The following CSMD1 variants were observed in gnomAD, a reference collection of about 807,000 sequenced individuals.
CSMD1 encodes the protein CUB and sushi domain-containing protein 1.
CSMD1 carries 213 observed loss-of-function variants against 417.5 expected under a neutral mutation model. That is an observed-to-expected ratio of 0.51 (90% CI 0.46 to 0.57). CSMD1 has a LOEUF of 0.57. Among genes scored for constraint, CSMD1 ranks in the 20% least tolerant of loss-of-function variants. The pLI, the probability that CSMD1 is intolerant of heterozygous loss-of-function variation, is 0.00. For missense variants in CSMD1, 6,923 were observed against 4,529.7 expected, an observed-to-expected ratio of 1.53 and a Z score of -15.17; for synonymous variants, 2,862 against 1,736.8, an observed-to-expected ratio of 1.65 and a Z score of -16.11.
chr8:4,984,045 T>A (rs1811042456), intron 1 of CSMD1, among the ~76,000 whole-genome samples: 1 of 152,110 alleles, frequency 6.6e-6, no homozygotes, highest in Non-Finnish European at 1.5e-5. Context: ...GAAAGTCAGT[T>A]TGGGAGAGAG....
chr8:3,197,040 T>C (rs1385956497), intron 33 of CSMD1, among the ~76,000 whole-genome samples: 1 of 152,088 alleles, frequency 6.6e-6, no homozygotes, highest in Non-Finnish European at 1.5e-5. Context: ...TCAAGAAGTG[T>C]GGAAAACACA....
At chr8:4,196,636 A>G (rs1799355798) in intron 3 of CSMD1, among the ~76,000 whole-genome samples, 1 of 152,150 alleles carries the variant, frequency 6.6e-6, no homozygotes, top group Non-Finnish European at 1.5e-5. Context: ...TGCTGGGTCC[A>G]GTCCTCATTG....
intron 3 of CSMD1, among the ~76,000 whole-genome samples, chr8:4,136,214 C>T (rs1409600002): frequency 6.6e-6 from 1 of 152,122 alleles, no homozygotes; most frequent in Non-Finnish European, 1.5e-5. Context: ...AAAAATTGAT[C>T]ACATATATAG....
intron 10 of CSMD1, among the ~76,000 whole-genome samples, chr8:3,495,620 C>G (rs1033209753): frequency 3.9e-5 from 6 of 152,202 alleles, no homozygotes; most frequent in African/African-American, 1.2e-4. Context: ...CTTGCATAGA[C>G]AGCTTTTAGT....
chr8:3,671,559 T>TATATATA (rs1563257079), intron 7 of CSMD1, among the ~76,000 whole-genome samples: 1 of 4,670 alleles, frequency 2.1e-4, no homozygotes, highest in Non-Finnish European at 3.4e-4. Context: ...ATATATATGA[T>TATATATA]CATATATATA....
Position 4,284,099 on chromosome 8 carries a change from G to T in CSMD1, c.415+135854C>A, listed in dbSNP as rs11988539. ...AATACAAAAATTAGCTAGGCATGGTGGCTCACACCTGTAATCCTAGCATTT... is the reference window on the plus strand; with the variant it reads ...AATACAAAAATTAGCTAGGCATGGTTGCTCACACCTGTAATCCTAGCATTT... On this transcript the variant is annotated intron_variant, in intron 3 of 69. Transcript: ENST00000635120. Among the ~76,000 whole-genome samples the T allele has an allele frequency of 2.4e-3, 362 of 152,276 alleles. 1 individual carries two copies. The highest frequency in any genetic ancestry group is 7.9e-3 in the African/African-American group (327 of 41,540).
intron 3 of CSMD1, among the ~76,000 whole-genome samples, chr8:4,100,035 A>G (rs1801224772): frequency 6.6e-6 from 1 of 152,198 alleles, no homozygotes; most frequent in Non-Finnish European, 1.5e-5. Context: ...AGAAGATATA[A>G]TGTAATAACG....
chr8:3,730,368 CG>C (rs1721802158), intron 6 of CSMD1, among the ~76,000 whole-genome samples: 2 of 50,282 alleles, frequency 4.0e-5, no homozygotes, highest in Admixed American at 7.4e-4. Flanking sequence ...ATTTAAGGAG[CG>C]ATTTTTTTTT....
intron 3 of CSMD1, among the ~76,000 whole-genome samples, chr8:4,366,325 C>T (rs1421627807): frequency 2.0e-5 from 3 of 151,808 alleles, no homozygotes; most frequent in Admixed American, 6.6e-5. Flanking sequence ...TTAGCCAGTT[C>T]ACCATTGGTG....
chr8:3,130,504 G>A (rs1817738317), intron 41 of CSMD1, among the ~76,000 whole-genome samples: 1 of 151,954 alleles, frequency 6.6e-6, no homozygotes, highest in South Asian at 2.1e-4. Flanking sequence ...ATTTGCTTGA[G>A]CTTCTTCAGT....
chr8:4,083,394 T>C (rs189977921), intron 3 of CSMD1, among the ~76,000 whole-genome samples: 131 of 152,300 alleles, frequency 8.6e-4, no homozygotes, highest in Admixed American at 1.8e-3. Context: ...CATGTGTTTT[T>C]TGGCTGCATA....
chr8:4,469,024 G>A (rs775569562), intron 2 of CSMD1, among the ~76,000 whole-genome samples: 4 of 152,144 alleles, frequency 2.6e-5, no homozygotes, highest in Non-Finnish European at 4.4e-5. Flanking sequence ...AAGTTCAAAA[G>A]ACAATGCTAT....
intron 41 of CSMD1, among the ~76,000 whole-genome samples, chr8:3,119,404 A>AC (rs1456419395): frequency 6.8e-6 from 1 of 147,004 alleles, no homozygotes; most frequent in African/African-American, 2.5e-5. Flanking sequence ...AAAAAAAAAA[A>AC]AAAAAAAACA....
intron 8 of CSMD1, among the ~76,000 whole-genome samples, chr8:3,611,493 T>C (rs183162491): frequency 7.2e-5 from 11 of 152,154 alleles, no homozygotes; most frequent in Admixed American, 5.2e-4. Flanking sequence ...CTCTCACTTA[T>C]TTATAAAAAC....
In CSMD1 at chr8:4,239,438, C is replaced by T. The variant is rs560859833; in HGVS notation, c.415+180515G>A. 7.2e-5 allele frequency among the ~76,000 whole-genome samples: 11 copies of T among 152,270 alleles called. No homozygotes were observed. In the East Asian group the frequency reaches 9.7e-4, roughly 13 times the overall value. On this transcript the variant is annotated intron_variant, in intron 3 of 69. Transcript: ENST00000635120. ...TCTTAACTCGTCTTTCTCCTGGAGG[C>T]TGGGTCCTGGAGCCATCAGTGCAAG... is the stretch of plus-strand genomic sequence containing the variant.
intron 3 of CSMD1, among the ~76,000 whole-genome samples, chr8:4,089,497 G>A (rs75524586): frequency 6.6e-6 from 1 of 152,190 alleles, no homozygotes; most frequent in East Asian, 1.9e-4. Context: ...ATAAAAAAGT[G>A]ACACATTCCA....
intron 11 of CSMD1, among the ~76,000 whole-genome samples, chr8:3,489,017 A>C (rs994219295): frequency 3.3e-5 from 5 of 152,208 alleles, no homozygotes; most frequent in Non-Finnish European, 7.3e-5. Context: ...CTACATGTTT[A>C]GTGATTAACT....
chr8:3,462,028 G>A (rs143615890), intron 12 of CSMD1, among the ~76,000 whole-genome samples: 24 of 152,310 alleles, frequency 1.6e-4, no homozygotes, highest in African/African-American at 5.5e-4. Flanking sequence ...GAATCCTAGA[G>A]AAGCTGTTTC....
intron 3 of CSMD1, among the ~76,000 whole-genome samples, chr8:4,340,957 G>C (rs994478395): frequency 2.0e-5 from 3 of 152,048 alleles, no homozygotes; most frequent in African/African-American, 7.2e-5. Context: ...TCTGTACTCT[G>C]CGGGTTTATT....
Sources: allele counts gnomAD v4.1 joint callset (sites outside exome capture counted in the v4.1 genomes callset), GRCh38; gene constraint gnomAD v4.1.1; transcripts MANE v1.5; gene names NCBI Gene and HGNC (gene_info 2026-07-23, HGNC 2026-07-21).